The following GNAL variants were observed in gnomAD, a reference collection of about 807,000 sequenced individuals.
GNAL encodes G protein subunit alpha L.
Under a neutral mutation model 55.1 loss-of-function variants are expected in GNAL, and 18 were observed. The ratio of observed to expected loss-of-function variants is 0.33; its 90% CI spans 0.23 to 0.48. GNAL has a LOEUF of 0.48. GNAL is among the 20% of genes least tolerant of loss of function. GNAL has a pLI of 0.99. For missense variants in GNAL, 412 were observed against 614.1 expected (o/e 0.67, Z 3.48); for synonymous variants, 253 against 237.0 (o/e 1.07, Z -0.62).
At position 11,752,987 on chromosome 18, in the gene GNAL, A is replaced by C. The variant is rs2032908110; in HGVS notation, c.449+62A>C. On this transcript the variant is annotated intron_variant, in intron 2 of 11. Coordinates refer to ENST00000334049, the MANE Select transcript of GNAL (RefSeq NM_182978.4). This position sits in a 1 kb window ranked among gnomAD's most constrained non-coding sequence, Gnocchi z 4.5. ...ACTTCGTCTCTCTCCCAGACGTCCC[A>C]AAAGTGCTTTCTCTAAACAATTTTA... 1.1e-6 allele frequency: 1 copy of C among 943,718 alleles called. No homozygotes were observed. Among genetic ancestry groups the C allele is most frequent in the African/African-American group, 1.6e-5 (1 of 61,176 alleles). The allele number at this position is 943,718 out of a possible 1,614,324, so 58.5% of individuals were successfully genotyped here.
rs1409437079 is a variant in GNAL at position 11,752,138 on chromosome 18, G to GC, written c.377-709dup. On this transcript the variant is annotated intron_variant, in intron 1 of 11. Transcript: ENST00000334049. This position sits in a 1 kb window ranked among gnomAD's most constrained non-coding sequence, Gnocchi z 4.5. ...GTCTCCAGCGGAGACCGGCGCCCTC[G>GC]CCCCCCGTCTCCGTTCATTGTGCTG... 2.1e-5 allele frequency: 5 copies of GC among 234,212 alleles called. No individual in the cohort carries two copies. Among genetic ancestry groups the GC allele is most frequent in the Admixed American group, 6.1e-5 (1 of 16,454 alleles). The allele number at this position is 234,212 out of a possible 1,614,324, so 14.5% of individuals were successfully genotyped here.
chr18:11,858,223 G>A (rs980079436), intron 5 of GNAL, among the ~76,000 whole-genome samples: 3 of 151,886 alleles, frequency 2.0e-5, no homozygotes, highest in Non-Finnish European at 2.9e-5. Flanking sequence ...AAACATTTCT[G>A]CAAACATGAG....
rs139878436 is a variant in GNAL, at chr18:11,839,885, T to C, written c.722+14870T>C. Reference sequence around the variant, plus strand: ...AATGTGTTCACAATATCAAGGAATGTAATGAAAGCTTTTCAAATAGAACTT... The same window carrying C: ...AATGTGTTCACAATATCAAGGAATGCAATGAAAGCTTTTCAAATAGAACTT... On this transcript the variant is annotated intron_variant, in intron 5 of 11. Coordinates refer to ENST00000334049, the MANE Select transcript of GNAL (RefSeq NM_182978.4). Among the ~76,000 whole-genome samples the C allele has an allele frequency of 9.0e-3, 1,366 of 152,334 alleles. 11 individuals are homozygous for C. Among genetic ancestry groups the C allele is most frequent in the Middle Eastern group, 0.017 (5 of 292 alleles).
intron 1 of GNAL, among the ~76,000 whole-genome samples, chr18:11,712,635 A>G (rs962509153): frequency 4.6e-5 from 7 of 152,166 alleles, no homozygotes; most frequent in Non-Finnish European, 5.9e-5. Context: ...ATTTTTTTCT[A>G]TAGAGTTACC....
At chr18:11,715,329 T>G (rs1180973306) in intron 1 of GNAL, among the ~76,000 whole-genome samples, 1 of 150,646 alleles carries the variant, frequency 6.6e-6, no homozygotes, top group Non-Finnish European at 1.5e-5. Flanking sequence ...GGCGTGGTGG[T>G]GGGCACCTGT....
chr18:11,777,258 G>A (rs990068786), intron 4 of GNAL, among the ~76,000 whole-genome samples: 12 of 152,078 alleles, frequency 7.9e-5, no homozygotes, highest in African/African-American at 2.9e-4. Flanking sequence ...TGTGTCAGAC[G>A]ACACTGAATT....
intron 4 of GNAL, among the ~76,000 whole-genome samples, chr18:11,757,337 G>A (rs867830658): frequency 6.7e-6 from 1 of 149,008 alleles, no homozygotes; most frequent in African/African-American, 2.6e-5. Flanking sequence ...CGAAGCTTTG[G>A]AGGGTTCTAA....
chr18:11,812,712 C>T (rs1319369471), intron 4 of GNAL, among the ~76,000 whole-genome samples: 4 of 151,938 alleles, frequency 2.6e-5, no homozygotes, highest in South Asian at 2.1e-4. Context: ...GGTGTGGTGG[C>T]GCATGCCTGT....
At chr18:11,851,516 C>G in intron 5 of GNAL, 3 of 1,585,164 alleles carry the variant, frequency 1.9e-6, no homozygotes, top group Non-Finnish European at 2.6e-6. Context: ...CCGACTATGT[C>G]TAACATGGAG....
chr18:11,772,589 T>C (rs2033665845), intron 4 of GNAL, among the ~76,000 whole-genome samples: 1 of 152,188 alleles, frequency 6.6e-6, no homozygotes, highest in Non-Finnish European at 1.5e-5. Flanking sequence ...GTGTGTCTGA[T>C]CCAAGACTTC....
chr18:11,882,880 A>G lies in GNAL; in HGVS notation c.*1745A>G, dbSNP rs2036741645. 6.6e-6 allele frequency: 1 copy of G among 152,182 alleles called. No homozygotes were observed. Among genetic ancestry groups the G allele is most frequent in the African/African-American group, 2.4e-5 (1 of 41,436 alleles). The allele number at this position is 152,182 out of a possible 1,614,324, so 9.4% of individuals were successfully genotyped here. A position where few individuals can be genotyped will look rare whatever the true frequency, so the allele number is the denominator to read the frequency against. ...GCCTCAAACATTATGACACACCAAC[A>G]ATATCTAGAAAGTAAGAACTGGTGT... On this transcript the variant is annotated 3_prime_UTR_variant, in exon 12 of 12. Transcript: ENST00000334049.
intron 4 of GNAL, among the ~76,000 whole-genome samples, chr18:11,822,712 T>C (rs914822567): frequency 6.6e-6 from 1 of 152,170 alleles, no homozygotes; most frequent in Non-Finnish European, 1.5e-5. Flanking sequence ...TGGGCTCACT[T>C]CCATGGCTGG....
chr18:11,808,223 A>G (rs756726215), intron 4 of GNAL, among the ~76,000 whole-genome samples: 5 of 151,780 alleles, frequency 3.3e-5, no homozygotes, highest in Non-Finnish European at 5.9e-5. Flanking sequence ...CTCACCCTGC[A>G]CTCCAAGCTC....
rs186797976 is a variant in GNAL, at chr18:11,871,005, T to C, written c.1032-1263T>C. Among the ~76,000 whole-genome samples the C allele has an allele frequency of 1.2e-3, 180 of 152,284 alleles. 1 individual carries two copies. Among genetic ancestry groups the C allele is most frequent in the African/African-American group, 4.1e-3 (170 of 41,572 alleles). On this transcript the variant is annotated intron_variant, in intron 9 of 11. Transcript: ENST00000334049. ...TGGGAAAATGACCACAATCTTCTTA[T>C]AGGAAAAAGCTGATTTTAAAACACT... is the stretch of plus-strand genomic sequence containing the variant.
chr18:11,776,635 G>C (rs1268890545), intron 4 of GNAL, among the ~76,000 whole-genome samples: 1 of 149,884 alleles, frequency 6.7e-6, no homozygotes, highest in Non-Finnish European at 1.5e-5. Context: ...TTGAGCCCAG[G>C]AGTTTGAGGC....
At chr18:11,811,758 C>G (rs929047378) in intron 4 of GNAL, among the ~76,000 whole-genome samples, 13 of 152,296 alleles carry the variant, frequency 8.5e-5, no homozygotes, top group African/African-American at 3.1e-4. Flanking sequence ...TCTCCTTTCT[C>G]CATTTTGCTT....
intron 1 of GNAL, among the ~76,000 whole-genome samples, chr18:11,720,255 A>T (rs944191458): frequency 2.0e-5 from 3 of 152,216 alleles, no homozygotes; most frequent in Admixed American, 2.0e-4. Context: ...ACATAAGAGG[A>T]GAGAAAACAA....
chr18:11,706,355 T>G (rs1372136161), intron 1 of GNAL, among the ~76,000 whole-genome samples: 1 of 152,168 alleles, frequency 6.6e-6, no homozygotes, highest in Non-Finnish European at 1.5e-5. Context: ...TTAAAAATAT[T>G]GATAAAAAGT....
intron 5 of GNAL, chr18:11,833,546 G>A (rs375739314): frequency 5.3e-5 from 8 of 152,026 alleles, no homozygotes; most frequent in African/African-American, 1.9e-4. Flanking sequence ...ATTTTTAGTG[G>A]GATTACCACA....
Sources: gnomAD v4.1 joint callset for allele counts (sites outside exome capture counted in the v4.1 genomes callset) on GRCh38, gnomAD v4.1.1 for gene constraint, Gnocchi (gnomAD v3.1) non-coding constraint, MANE v1.5 for transcripts, NCBI Gene and HGNC (gene_info 2026-07-23, HGNC 2026-07-21) for gene names.